Variants in UBE2F observed in about 807,000 individuals in gnomAD.
UBE2F encodes the protein NEDD8-conjugating enzyme UBE2F.
In UBE2F, 5 loss-of-function variants were observed where a neutral mutation model predicts 29.6. The ratio of observed to expected loss-of-function variants is 0.17; its 90% CI spans 0.09 to 0.36. The LOEUF (loss-of-function observed/expected upper bound fraction) is 0.36. Ranked by LOEUF, UBE2F falls within the 10% of genes least tolerant of loss-of-function variation. UBE2F has a pLI of 1.00. For missense variants in UBE2F, 141 were observed against 228.5 expected (o/e 0.62, Z 2.47); for synonymous variants, 66 against 81.8 (o/e 0.81, Z 1.04).
chr2:237,987,984 A>G lies in UBE2F; in HGVS notation c.140A>G (p.Asn47Ser), dbSNP rs1300841495. The change falls in exon 3 of 10, where the codon AAT becomes AGT. Residue 47 changes from asparagine to serine, a missense_variant. Coordinates refer to ENST00000272930, the MANE Select transcript of UBE2F (RefSeq NM_080678.3). ...LVKEVAELEA[N>S]LPCTCKVHFP... ...ACAGAGGTTGCAGAACTTGAAGCTA[A>G]TTTACCTTGTAAGTATAGCATCCCC... is the stretch of plus-strand genomic sequence containing the variant. 2 of 1,510,270 alleles carry G rather than the reference A, an allele frequency of 1.3e-6. No homozygotes were observed. Among genetic ancestry groups the G allele is most frequent in the Non-Finnish European group, 1.8e-6 (2 of 1,127,418 alleles). 93.6% of individuals were successfully genotyped at this position (1,510,270 alleles called of 1,614,324 possible).
At chr2:237,973,328 CCT>C in intron 2 of UBE2F, 103 bp downstream of exon 2, 4 of 1,306,632 alleles carry the variant, frequency 3.1e-6, no homozygotes, top group Non-Finnish European at 4.3e-6. Flanking sequence ...AATAGAAATA[CCT>C]GTTTAAAAGA....
chr2:238,002,063 A>ATTT (rs10695548), intron 4 of UBE2F, among the ~76,000 whole-genome samples: 85,133 of 126,034 alleles, frequency 0.68, 30,390 homozygotes, highest in East Asian at 0.75. Flanking sequence ...GAATATCCCA[A>ATTT]TTTTTTTTTT....
intron 2 of UBE2F, among the ~76,000 whole-genome samples, chr2:237,978,368 G>A (rs2063323209): frequency 6.6e-6 from 1 of 152,234 alleles, no homozygotes; most frequent in South Asian, 2.1e-4. Flanking sequence ...ATAGGAGGCA[G>A]GAGCTTGTCC....
intron 4 of UBE2F, among the ~76,000 whole-genome samples, chr2:238,008,794 GTTTTAC>G (rs2063957829): frequency 6.6e-6 from 1 of 152,048 alleles, no homozygotes; most frequent in Non-Finnish European, 1.5e-5. Context: ...GTTCTCATTT[GTTTTAC>G]TTTTACATAT....
At chr2:238,006,279 C>G (rs2063904895) in intron 4 of UBE2F, among the ~76,000 whole-genome samples, 1 of 152,160 alleles carries the variant, frequency 6.6e-6, no homozygotes, top group South Asian at 2.1e-4. Flanking sequence ...CACTAATTAC[C>G]ATGGCACTAA....
chr2:238,010,036 A>G (rs936254426), intron 4 of UBE2F, among the ~76,000 whole-genome samples: 1 of 151,996 alleles, frequency 6.6e-6, no homozygotes, highest in Non-Finnish European at 1.5e-5. Context: ...TTCTCCTGGC[A>G]CTCATGTTTT....
At chr2:237,999,762 G>A (rs1038787458) in intron 4 of UBE2F, among the ~76,000 whole-genome samples, 6 of 151,096 alleles carry the variant, frequency 4.0e-5, no homozygotes, top group African/African-American at 9.7e-5. Flanking sequence ...TTTAATTGTC[G>A]TAGCTTTATA....
intron 1 of UBE2F, among the ~76,000 whole-genome samples, chr2:237,969,845 A>G (rs1378786031): frequency 6.6e-6 from 1 of 152,126 alleles, no homozygotes; most frequent in Non-Finnish European, 1.5e-5. Flanking sequence ...CTGTGAAGTA[A>G]CTTCATCAGC....
intron 4 of UBE2F, among the ~76,000 whole-genome samples, chr2:238,011,177 G>T (rs1002483326): frequency 6.6e-6 from 1 of 152,220 alleles, no homozygotes; most frequent in African/African-American, 2.4e-5. Context: ...ATCAGAGCCA[G>T]CTACATGCAG....
intron 4 of UBE2F, among the ~76,000 whole-genome samples, chr2:238,006,752 CTTTTTTCTTTTTTTTT>C (rs2063915582): frequency 1.1e-5 from 1 of 92,028 alleles, no homozygotes; most frequent in South Asian, 3.1e-4. Flanking sequence ...TTCCTTTTTT[CTTTTTTCTTTTTTTTT>C]TTTTTTTTGA....
intron 5 of UBE2F, among the ~76,000 whole-genome samples, chr2:238,022,151 T>C (rs1474118282): frequency 8.4e-6 from 1 of 118,442 alleles, no homozygotes; most frequent in Non-Finnish European, 1.7e-5. Context: ...CCGATTGTCA[T>C]TTCTTTTTCT....
At chr2:237,998,401 G>T (rs1243257110) in intron 4 of UBE2F, among the ~76,000 whole-genome samples, 2 of 151,932 alleles carry the variant, frequency 1.3e-5, no homozygotes, top group African/African-American at 4.8e-5. Context: ...TATGTAAATG[G>T]AATCTTATAT....
intron 4 of UBE2F, among the ~76,000 whole-genome samples, chr2:237,998,532 C>T (rs2106358432): frequency 6.6e-6 from 1 of 151,306 alleles, no homozygotes; most frequent in Non-Finnish European, 1.5e-5. Flanking sequence ...ATTTATCTTC[C>T]TAGTGATAGA....
At chr2:237,987,854 T>A (rs1328900897) in intron 2 of UBE2F, 109 bp from the exon 3 acceptor site, 8,635 of 376,198 alleles carry the variant, frequency 0.023, 106 homozygotes, top group Non-Finnish European at 0.029. Context: ...AGTTCATCCT[T>A]TTTTTTTTTT....
At chr2:237,978,972 A>G (rs2063333718) in intron 2 of UBE2F, among the ~76,000 whole-genome samples, 1 of 152,142 alleles carries the variant, frequency 6.6e-6, no homozygotes, top group African/African-American at 2.4e-5. Context: ...TAATAGCTCA[A>G]TGCCTGTCTG....
chr2:237,998,110 T>C (rs1351811100), intron 4 of UBE2F, among the ~76,000 whole-genome samples: 2 of 152,162 alleles, frequency 1.3e-5, no homozygotes, highest in African/African-American at 2.4e-5. Flanking sequence ...TAAGTAACAA[T>C]GACAATTTTT....
chr2:238,004,138 G>A (rs1326332323), intron 4 of UBE2F, among the ~76,000 whole-genome samples: 1 of 152,174 alleles, frequency 6.6e-6, no homozygotes, highest in African/African-American at 2.4e-5. Context: ...TCAAATGGTA[G>A]ACATTTGAGT....
At chr2:237,990,818 G>T (rs960567007) in intron 3 of UBE2F, among the ~76,000 whole-genome samples, 3 of 151,636 alleles carry the variant, frequency 2.0e-5, no homozygotes, top group Non-Finnish European at 4.4e-5. Flanking sequence ...AGTCTCCTGT[G>T]TTGCCCAGGC....
Position 238,041,397 on chromosome 2 carries a change from A to T in UBE2F, c.*59A>T. On this transcript the variant is annotated 3_prime_UTR_variant, in exon 10 of 10. Transcript: ENST00000272930. Reference sequence around the variant, plus strand: ...TTACAGTTTGTCTCTAACATGAAACAGCAAGAGGTAGCCCCCTCTCCCGTC... The same window carrying T: ...TTACAGTTTGTCTCTAACATGAAACTGCAAGAGGTAGCCCCCTCTCCCGTC... 1 of 1,575,802 alleles carries T rather than the reference A, an allele frequency of 6.3e-7. No individual in the cohort carries two copies. The highest frequency in any genetic ancestry group is 8.7e-7 in the Non-Finnish European group (1 of 1,146,942).
Sources: gnomAD v4.1 joint callset for allele counts (sites outside exome capture counted in the v4.1 genomes callset) on GRCh38, gnomAD v4.1.1 for gene constraint, MANE v1.5 for transcripts, NCBI Gene and HGNC (gene_info 2026-07-23, HGNC 2026-07-21) for gene names.